ATP9B: variants seen among roughly 807,000 people sequenced by gnomAD.
ATP9B encodes probable phospholipid-transporting ATPase IIB.
In ATP9B, 110 loss-of-function variants were observed where a neutral mutation model predicts 146.1. That is an observed-to-expected ratio of 0.75 (90% confidence interval 0.65 to 0.88). ATP9B has a LOEUF of 0.88. ATP9B is among the 40% of genes least tolerant of loss of function. The pLI is 0.00. For synonymous variants in ATP9B, 604 were observed against 569.7 expected, an observed-to-expected ratio of 1.06 and a Z score of -0.86; for missense variants, 1,499 against 1,496.4, an observed-to-expected ratio of 1.00 and a Z score of -0.03.
In ATP9B at chr18:79,171,884, T is replaced by TG. The variant is rs1555725034; in HGVS notation, c.779-4929_779-4928insG. ...TCATGACCTTCGGAGACTCGTTTTT[T>TG]TTTGTTTGTTTGTTTGTTTGTTTAG... On this transcript the variant is annotated intron_variant, in intron 7 of 29. Transcript: ENST00000426216. Among the ~76,000 whole-genome samples the TG allele has an allele frequency of 2.8e-4, 43 of 150,894 alleles. No individual in the cohort carries two copies. In the East Asian group the frequency reaches 5.1e-3, roughly 18 times the overall value.
chr18:79,191,673 TTCTC>T (rs1327376514), intron 8 of ATP9B, among the ~76,000 whole-genome samples: 1 of 152,218 alleles, frequency 6.6e-6, no homozygotes, highest in African/African-American at 2.4e-5. Context: ...TAAATACACT[TTCTC>T]TTTCTTTGTT....
chr18:79,228,208 G>A (rs2148549201), intron 11 of ATP9B, among the ~76,000 whole-genome samples: 2 of 152,290 alleles, frequency 1.3e-5, no homozygotes, highest in Middle Eastern at 6.8e-3. Context: ...CTCCACTAGT[G>A]ATAAATTTTG....
intron 7 of ATP9B, among the ~76,000 whole-genome samples, chr18:79,165,390 G>C (rs1376474047): frequency 6.6e-6 from 1 of 152,164 alleles, no homozygotes; most frequent in South Asian, 2.1e-4. Flanking sequence ...TGGGTGTTGA[G>C]AATATTCTTG....
chr18:79,146,309 A>C (rs1180774187), intron 6 of ATP9B: 4 of 84,198 alleles, frequency 4.8e-5, no homozygotes, highest in Non-Finnish European at 9.0e-5. Flanking sequence ...TGAAGGTGCA[A>C]GCTGCATGTC....
chr18:79,127,527 C>T (rs551659780), intron 5 of ATP9B, among the ~76,000 whole-genome samples: 1 of 152,310 alleles, frequency 6.6e-6, no homozygotes, highest in South Asian at 2.1e-4. Flanking sequence ...CTGGTAGTAG[C>T]ATTCATCAGT....
At position 79,348,025 on chromosome 18, in the gene ATP9B, G is replaced by A. The variant is rs2096900376; in HGVS notation, c.2838+100G>A. 3.8e-6 allele frequency: 6 copies of A among 1,596,884 alleles called. No homozygotes were observed. The African/African-American group carries it at 4.2e-5, about 11-fold the overall frequency. ...GGGAGTGGGGGTGCTGAGTGCTGCC[G>A]GAAGTACCTGGGCTGTGCTTAGGAG... On this transcript the variant is annotated intron_variant, in intron 24 of 29. Coordinates refer to ENST00000426216, the MANE Select transcript of ATP9B (RefSeq NM_198531.5).
chr18:79,216,005 T>C (rs1235303339), intron 11 of ATP9B, among the ~76,000 whole-genome samples: 1 of 152,232 alleles, frequency 6.6e-6, no homozygotes, highest in Non-Finnish European at 1.5e-5. Context: ...ACTAGAACAT[T>C]CTAATGTATG....
chr18:79,336,213 G>A (rs559274020), intron 17 of ATP9B, among the ~76,000 whole-genome samples: 1 of 139,536 alleles, frequency 7.2e-6, no homozygotes, highest in African/African-American at 2.5e-5. Flanking sequence ...CCCCAGCACC[G>A]CCATGTGCAC....
At chr18:79,313,520 A>G (rs999088492) in intron 15 of ATP9B, among the ~76,000 whole-genome samples, 2 of 152,232 alleles carry the variant, frequency 1.3e-5, no homozygotes, top group African/African-American at 4.8e-5. Context: ...AGAAACCTAG[A>G]CTAGAGATTT....
intron 2 of ATP9B, among the ~76,000 whole-genome samples, chr18:79,104,373 T>C (rs1040194576): frequency 1.3e-5 from 2 of 152,152 alleles, no homozygotes; most frequent in African/African-American, 4.8e-5. Context: ...GGCAATGCAG[T>C]GTTCATGGTG....
chr18:79,287,594 G>T (rs1421356558), intron 13 of ATP9B, among the ~76,000 whole-genome samples: 1 of 150,958 alleles, frequency 6.6e-6, no homozygotes, highest in Non-Finnish European at 1.5e-5. Flanking sequence ...TTTTTTGAAG[G>T]GTTTTTTGTG....
chr18:79,220,311 A>G (rs2095665646), intron 11 of ATP9B, among the ~76,000 whole-genome samples: 1 of 152,190 alleles, frequency 6.6e-6, no homozygotes, highest in African/African-American at 2.4e-5. Context: ...CTTCTTACAA[A>G]TATTTTCTGC....
At chr18:79,175,927 T>C (rs1337971330) in intron 7 of ATP9B, among the ~76,000 whole-genome samples, 1 of 152,238 alleles carries the variant, frequency 6.6e-6, no homozygotes, top group Non-Finnish European at 1.5e-5. Context: ...GAGATCTGTA[T>C]GGACGTATAC....
intron 20 of ATP9B, chr18:79,343,676 C>CGATGTGTGGCGAT (rs912127895): frequency 1.3e-5 from 2 of 154,168 alleles, no homozygotes; most frequent in Non-Finnish European, 2.9e-5. Context: ...GTCTCTTACC[C>CGATGTGTGGCGAT]GATGTGTGGC....
intron 28 of ATP9B, 28 bp downstream of exon 28, chr18:79,374,129 A>AT: frequency 6.2e-7 from 1 of 1,600,770 alleles, no homozygotes; most frequent in Non-Finnish European, 8.5e-7. Flanking sequence ...TGTTTTTTGA[A>AT]TCGTTCTCTA....
intron 9 of ATP9B, among the ~76,000 whole-genome samples, chr18:79,196,500 A>T (rs1352949958): frequency 6.6e-6 from 1 of 152,220 alleles, no homozygotes; most frequent in Non-Finnish European, 1.5e-5. Context: ...ATTGGTTGCT[A>T]CGTGGGTGTT....
intron 16 of ATP9B, among the ~76,000 whole-genome samples, chr18:79,329,655 G>A (rs771721616): frequency 3.3e-5 from 5 of 152,090 alleles, no homozygotes; most frequent in Admixed American, 2.6e-4. Context: ...TTGCCAAAAC[G>A]TACCTTAATT....
chr18:79,349,033 A>G (rs8099767), intron 25 of ATP9B, among the ~76,000 whole-genome samples: 136,534 of 152,312 alleles, frequency 0.9, 61,362 homozygotes, highest in East Asian at 1. Flanking sequence ...CACCAAAAGC[A>G]CAGCAGGCAT....
intron 14 of ATP9B, among the ~76,000 whole-genome samples, chr18:79,304,762 T>G (rs1037591847): frequency 6.6e-6 from 1 of 152,214 alleles, no homozygotes; most frequent in African/African-American, 2.4e-5. Context: ...CATTTTTTTG[T>G]GCCTGTCATA....
Sources: allele counts gnomAD v4.1 joint callset (sites outside exome capture counted in the v4.1 genomes callset), GRCh38; gene constraint gnomAD v4.1.1; transcripts MANE v1.5; gene names NCBI Gene and HGNC (gene_info 2026-07-23, HGNC 2026-07-21).